RALYL: variants seen among roughly 807,000 people sequenced by gnomAD.
The protein encoded by RALYL is RALY RNA binding protein like, also known as RNA-binding Raly-like protein.
Under a neutral mutation model 35.1 loss-of-function variants are expected in RALYL, and 29 were observed. The ratio of observed to expected loss-of-function variants is 0.83; its 90% confidence interval spans 0.61 to 1.13. The LOEUF (loss-of-function observed/expected upper bound fraction) is 1.13, where lower values mean the gene tolerates loss of function less well. Among genes scored for constraint, RALYL ranks in the 50% most tolerant of loss-of-function variants. The probability of loss-of-function intolerance (pLI) is 0.00; values close to 1 mark genes in which losing one functional copy is unlikely to be tolerated. For synonymous variants in RALYL, 120 were observed against 127.6 expected (o/e 0.94, Z 0.40); for missense variants, 359 against 360.4 (o/e 1.00, Z 0.03).
At chr8:84,444,678 T>C (rs1006392822) in intron 1 of RALYL, among the ~76,000 whole-genome samples, 1 of 152,106 alleles carries the variant, frequency 6.6e-6, no homozygotes, top group Non-Finnish European at 1.5e-5. Flanking sequence ...GGCTTAACTC[T>C]GGGTAAAGCC....
At chr8:84,269,719 A>G (rs1247438311) in intron 1 of RALYL, among the ~76,000 whole-genome samples, 1 of 152,152 alleles carries the variant, frequency 6.6e-6, no homozygotes, top group Non-Finnish European at 1.5e-5. Flanking sequence ...TGTTTGTGAT[A>G]TAATACTGTA....
At chr8:84,914,408 A>G (rs1286849980) in intron 8 of RALYL, among the ~76,000 whole-genome samples, 3 of 152,012 alleles carry the variant, frequency 2.0e-5, no homozygotes, top group Non-Finnish European at 2.9e-5. Flanking sequence ...GCCAAATAAA[A>G]CTACTATAAT....
intron 8 of RALYL, among the ~76,000 whole-genome samples, chr8:84,915,117 T>C (rs1848249286): frequency 6.6e-6 from 1 of 151,992 alleles, no homozygotes; most frequent in Admixed American, 6.6e-5. Context: ...ATATAAACTG[T>C]TTTTATAAAC....
rs2060934002 is a variant in RALYL, at chr8:84,554,092, TCTTTTAGAAA to T, written c.256+24519_256+24528del. ...TTACTGAATTGAAACTTAATAGGTT[TCTTTTAGAAA>T]CTTGATTGTCATGATACAATAGTAG... On this transcript the variant is annotated intron_variant, in intron 2 of 8. Transcript: ENST00000521268. 3.9e-5 allele frequency among the ~76,000 whole-genome samples: 6 copies of T among 152,320 alleles called. No individual in the cohort carries two copies. The South Asian group carries it at 1.2e-3, about 32-fold the overall frequency.
intron 1 of RALYL, among the ~76,000 whole-genome samples, chr8:84,363,558 C>G (rs1310603203): frequency 6.6e-6 from 1 of 152,164 alleles, no homozygotes; most frequent in Admixed American, 6.5e-5. Context: ...TTTAGCTTAG[C>G]TATGTTGACA....
At chr8:84,840,341 A>T (rs1832959255) in intron 4 of RALYL, among the ~76,000 whole-genome samples, 1 of 152,236 alleles carries the variant, frequency 6.6e-6, no homozygotes, top group South Asian at 2.1e-4. Flanking sequence ...TCAGTAGCCG[A>T]TTTGATCAAC....
intron 2 of RALYL, among the ~76,000 whole-genome samples, chr8:84,581,645 C>T (rs1029990673): frequency 6.6e-6 from 1 of 152,092 alleles, no homozygotes; most frequent in Non-Finnish European, 1.5e-5. Flanking sequence ...GTGTTTTGCT[C>T]TGATTACATT....
intron 2 of RALYL, among the ~76,000 whole-genome samples, chr8:84,580,317 A>G (rs1415162086): frequency 2.6e-5 from 4 of 152,342 alleles, no homozygotes; most frequent in Admixed American, 2.0e-4. Context: ...AAACTTATAC[A>G]TGAAGGAGGT....
intron 2 of RALYL, among the ~76,000 whole-genome samples, chr8:84,666,681 T>G (rs1380826389): frequency 6.6e-6 from 1 of 152,082 alleles, no homozygotes; most frequent in Non-Finnish European, 1.5e-5. Context: ...CTGAAAATAC[T>G]CATAAAGAGC....
At chr8:84,537,490 A>C (rs1470298759) in intron 2 of RALYL, among the ~76,000 whole-genome samples, 2 of 151,774 alleles carry the variant, frequency 1.3e-5, no homozygotes, top group African/African-American at 4.8e-5. Context: ...AAAAAAAAAA[A>C]AGTCTGTTCA....
intron 1 of RALYL, among the ~76,000 whole-genome samples, chr8:84,378,950 A>G (rs963446272): frequency 1.3e-5 from 2 of 151,826 alleles, no homozygotes; most frequent in Non-Finnish European, 2.9e-5. Context: ...AGTGAACCAT[A>G]CTTGGCTTTC....
chr8:84,775,808 C>T (rs1377041033), intron 3 of RALYL, among the ~76,000 whole-genome samples: 2 of 152,192 alleles, frequency 1.3e-5, no homozygotes, highest in Non-Finnish European at 2.9e-5. Flanking sequence ...AGAACAGCCA[C>T]TTCTGAAAAA....
At chr8:84,657,693 GTCT>G (rs772013978) in intron 2 of RALYL, among the ~76,000 whole-genome samples, 22 of 152,166 alleles carry the variant, frequency 1.4e-4, no homozygotes, top group African/African-American at 5.3e-4. Flanking sequence ...ACTTGAGGAA[GTCT>G]TCTCTAAAAC....
chr8:84,850,752 G>C (rs1167829877), intron 5 of RALYL, among the ~76,000 whole-genome samples: 1 of 152,202 alleles, frequency 6.6e-6, no homozygotes, highest in Admixed American at 6.5e-5. Context: ...AGGATACGGA[G>C]TAGGCATCTG....
intron 7 of RALYL, among the ~76,000 whole-genome samples, chr8:84,880,253 A>G (rs1246769396): frequency 6.6e-6 from 1 of 152,106 alleles, no homozygotes; most frequent in African/African-American, 2.4e-5. Context: ...GAAAGAATTT[A>G]CAATTGCAAG....
At chr8:84,389,647 G>C (rs567879901) in intron 1 of RALYL, among the ~76,000 whole-genome samples, 1 of 150,682 alleles carries the variant, frequency 6.6e-6, no homozygotes, top group Non-Finnish European at 1.5e-5. Flanking sequence ...CTCTGTTTGT[G>C]TGTTACTGGT....
chr8:84,870,168 T>C (rs977248377), intron 6 of RALYL, among the ~76,000 whole-genome samples: 1 of 152,180 alleles, frequency 6.6e-6, no homozygotes, highest in African/African-American at 2.4e-5. Flanking sequence ...TAATTCTAAA[T>C]TCAAGCCCTA....
chr8:84,660,355 A>T (rs1194017300), intron 2 of RALYL, among the ~76,000 whole-genome samples: 1 of 151,920 alleles, frequency 6.6e-6, no homozygotes, highest in Non-Finnish European at 1.5e-5. Flanking sequence ...CTTGAATTGT[A>T]TTAGCTTTAC....
chr8:84,345,180 G>T (rs147342526), intron 1 of RALYL, among the ~76,000 whole-genome samples: 2,746 of 151,328 alleles, frequency 0.018, 37 homozygotes, highest in South Asian at 0.03. Context: ...AGTGTGCAAG[G>T]GTTCCCTTTC....
Sources: allele counts gnomAD v4.1 joint callset (sites outside exome capture counted in the v4.1 genomes callset), GRCh38; gene constraint gnomAD v4.1.1; transcripts MANE v1.5; gene names NCBI Gene and HGNC (gene_info 2026-07-23, HGNC 2026-07-21).